The following DNAAF4 variants were observed in gnomAD, a reference collection of about 807,000 sequenced individuals.
DNAAF4 encodes the protein dynein axonemal assembly factor 4.
In DNAAF4, 43 loss-of-function variants were observed where a neutral mutation model predicts 51.8. The observed-to-expected ratio is 0.83, with a 90% CI of 0.65 to 1.07. The LOEUF is 1.07. Among genes scored for constraint, DNAAF4 ranks in the 50% least tolerant of loss-of-function variants. The probability of loss-of-function intolerance (pLI) is 0.00; values close to 1 mark genes in which losing one functional copy is unlikely to be tolerated. For missense variants in DNAAF4, 581 were observed against 493.0 expected, an observed-to-expected ratio of 1.18 and a Z score of -1.69; for synonymous variants, 194 against 165.6, an observed-to-expected ratio of 1.17 and a Z score of -1.32.
In DNAAF4 at chr15:55,487,070, G is replaced by C. The variant is rs797009352; in HGVS notation, c.405+4053C>G. ...CTTAAGAGAGTTCTCTATAACCTTT[G>C]AGAAATTTTTCAAAATCTTAGTGAG... is the stretch of plus-strand genomic sequence containing the variant. On this transcript the variant is annotated intron_variant, in intron 4 of 9. Transcript: ENST00000321149. Among the ~76,000 whole-genome samples, 18 of 152,280 alleles carry C rather than the reference G, an allele frequency of 1.2e-4. 1 individual carries two copies. The highest frequency in any genetic ancestry group is 4.1e-4 in the African/African-American group (17 of 41,552).
chr15:55,497,317 C>G (rs1019049430), intron 3 of DNAAF4, among the ~76,000 whole-genome samples: 2 of 152,064 alleles, frequency 1.3e-5, no homozygotes, highest in African/African-American at 4.8e-5. Flanking sequence ...TCTATCTGGC[C>G]GGGTGTGGTG....
chr15:55,440,080 C>A (rs1321712839), intron 6 of DNAAF4, among the ~76,000 whole-genome samples: 1 of 150,370 alleles, frequency 6.7e-6, no homozygotes, highest in African/African-American at 2.4e-5. Context: ...TTTTTTTTAT[C>A]TTGCTCTGTC....
At chr15:55,418,509 T>C in intron 7 of DNAAF4, 2 of 1,526,676 alleles carry the variant, frequency 1.3e-6, no homozygotes, top group East Asian at 2.4e-5. Context: ...AATAACACTC[T>C]AAATACTGCA....
chr15:55,448,519 GGTGTGTGTGTGTGTGTGTGT>G (rs111911388), intron 6 of DNAAF4, among the ~76,000 whole-genome samples: 2 of 99,890 alleles, frequency 2.0e-5, no homozygotes, highest in Non-Finnish European at 3.7e-5. Context: ...AAAAAAAAAG[GGTGTGTGTGTGTGTGTGTGT>G]GTGTGTGTGT....
intron 6 of DNAAF4, chr15:55,443,239 TCAG>T: frequency 6.2e-7 from 1 of 1,607,144 alleles, no homozygotes; most frequent in East Asian, 2.2e-5. Flanking sequence ...AATGACTTCC[TCAG>T]AAGAAAATGA....
At chr15:55,418,454 G>T in intron 7 of DNAAF4, 1 of 1,522,074 alleles carries the variant, frequency 6.6e-7, no homozygotes, top group Non-Finnish European at 8.8e-7. Flanking sequence ...TACTCCAAAG[G>T]AGCAAGTATT....
intron 7 of DNAAF4, among the ~76,000 whole-genome samples, chr15:55,437,315 T>C (rs1037898049): frequency 1.3e-5 from 2 of 152,228 alleles, no homozygotes; most frequent in East Asian, 1.9e-4. Context: ...GGAAAGATTA[T>C]ATATGGTTTT....
chr15:55,425,339 G>C (rs1374515988), downstream of DNAAF4, among the ~76,000 whole-genome samples: 1 of 152,114 alleles, frequency 6.6e-6, no homozygotes, highest in Non-Finnish European at 1.5e-5. Flanking sequence ...AATCCTGTTA[G>C]GTCAATTTAA....
At chr15:55,447,126 C>T (rs1425187838) in intron 6 of DNAAF4, among the ~76,000 whole-genome samples, 1 of 145,130 alleles carries the variant, frequency 6.9e-6, no homozygotes, top group African/African-American at 2.6e-5. Flanking sequence ...AGAGGCACTC[C>T]TCACTTCCCA....
chr15:55,507,644 C>G (rs1365765562), intron 1 of DNAAF4, among the ~76,000 whole-genome samples: 1 of 152,004 alleles, frequency 6.6e-6, no homozygotes, highest in Non-Finnish European at 1.5e-5. Context: ...CAAGTGGGAG[C>G]CTTTTTGGTA....
At chr15:55,451,674 T>C (rs1689729698) in intron 5 of DNAAF4, among the ~76,000 whole-genome samples, 2 of 151,818 alleles carry the variant, frequency 1.3e-5, no homozygotes. Flanking sequence ...AGTGCAGTGA[T>C]GCAATCACAG....
intron 7 of DNAAF4, chr15:55,418,305 CTG>C: frequency 6.5e-7 from 1 of 1,547,962 alleles, no homozygotes; most frequent in Non-Finnish European, 8.7e-7. Flanking sequence ...CCTGGCAATC[CTG>C]TGTTTTCATG....
chr15:55,422,387 T>G (rs912530807), intron 7 of DNAAF4, among the ~76,000 whole-genome samples: 2 of 152,134 alleles, frequency 1.3e-5, no homozygotes, highest in African/African-American at 4.8e-5. Flanking sequence ...AGATTATCAC[T>G]TGGAACATGT....
chr15:55,498,205 A>G lies in DNAAF4; in HGVS notation c.123+2T>C. 1 of 1,613,846 alleles carries G rather than the reference A, an allele frequency of 6.2e-7. No homozygotes were observed. The highest frequency in any genetic ancestry group is 2.2e-5 in the East Asian group (1 of 44,842). On this transcript the variant is annotated splice_donor_variant, in intron 2 of 9. Transcript: ENST00000321149. LOFTEE classifies it high-confidence loss of function. ...ACCGGCAGGCAAGACTTGCATTCTTACCTTCAGATAGTTTTCCGTGCAGAA... is the reference window on the plus strand; with the variant it reads ...ACCGGCAGGCAAGACTTGCATTCTTGCCTTCAGATAGTTTTCCGTGCAGAA...
At chr15:55,493,866 G>A (rs76383046) in intron 3 of DNAAF4, among the ~76,000 whole-genome samples, 2,671 of 151,842 alleles carry the variant, frequency 0.018, 75 homozygotes, top group African/African-American at 0.061. Flanking sequence ...CACTATGCCC[G>A]GCTAATTTTT....
At chr15:55,483,388 C>G (rs970854685) in intron 4 of DNAAF4, among the ~76,000 whole-genome samples, 1 of 151,986 alleles carries the variant, frequency 6.6e-6, no homozygotes. Context: ...AGCCACCATG[C>G]CTGGCCAATA....
chr15:55,482,184 A>G (rs2058420681), intron 4 of DNAAF4, among the ~76,000 whole-genome samples: 1 of 152,162 alleles, frequency 6.6e-6, no homozygotes, highest in Non-Finnish European at 1.5e-5. Context: ...GGGACAACTC[A>G]TAGTCAAGAC....
intron 4 of DNAAF4, 81 bp downstream of exon 4, chr15:55,491,042 A>T: frequency 6.6e-7 from 1 of 1,518,890 alleles, no homozygotes; most frequent in Non-Finnish European, 9.0e-7. Context: ...ATGCTGAGGA[A>T]GTCCAGCAGC....
In DNAAF4 at chr15:55,508,131, A is replaced by G. The variant is rs2058735958; in HGVS notation, c.-265T>C. 1 of 152,188 alleles carries G rather than the reference A, an allele frequency of 6.6e-6. No homozygotes were observed. The highest frequency in any genetic ancestry group is 1.5e-5 in the Non-Finnish European group (1 of 68,040). The allele number at this position is 152,188 out of a possible 1,614,324, so 9.4% of individuals were successfully genotyped here. A position where few individuals can be genotyped will look rare whatever the true frequency, so the allele number is the denominator to read the frequency against. On this transcript the variant is annotated 5_prime_UTR_variant, in exon 1 of 10. Coordinates refer to ENST00000321149, the MANE Select transcript of DNAAF4 (RefSeq NM_130810.4). Reference sequence around the variant, plus strand: ...GAAAGGGGAAACTTACAAAACCAAGAGAAAACACAGGTTTCCCCCTTCTCC... The same window carrying G: ...GAAAGGGGAAACTTACAAAACCAAGGGAAAACACAGGTTTCCCCCTTCTCC...
Sources: allele counts gnomAD v4.1 joint callset (sites outside exome capture counted in the v4.1 genomes callset), GRCh38; gene constraint gnomAD v4.1.1; transcripts MANE v1.5; gene names NCBI Gene and HGNC (gene_info 2026-07-23, HGNC 2026-07-21).